The following NFILZ variants were observed in gnomAD, a reference collection of about 807,000 sequenced individuals.
NFILZ encodes the protein NFIL3 like basic leucine zipper, also known as NFIL3 like protein.
chr19:8,674,287 A>G (rs1162058353), intron 3 of NFILZ, among the ~76,000 whole-genome samples: 2 of 152,182 alleles, frequency 1.3e-5, no homozygotes, highest in African/African-American at 4.8e-5. Flanking sequence ...TTACTGTGTG[A>G]TGTGAGCAGA....
intron 3 of NFILZ, among the ~76,000 whole-genome samples, chr19:8,647,122 G>C (rs1043923277): frequency 6.6e-6 from 1 of 152,200 alleles, no homozygotes; most frequent in Non-Finnish European, 1.5e-5. Context: ...GCTGAACTCA[G>C]TTATGCAGGC....
intron 3 of NFILZ, among the ~76,000 whole-genome samples, chr19:8,645,243 C>G (rs781999526): frequency 5.3e-5 from 8 of 151,906 alleles, no homozygotes; most frequent in Admixed American, 1.3e-4. Flanking sequence ...AAGTGATCCT[C>G]CCACCTCAGC....
chr19:8,667,013 G>T lies in NFILZ; in HGVS notation c.-163-7538G>T, dbSNP rs368781259. ...GTTCCTCCTGCCTCGGCCTCCCAAA[G>T]TGTTGGCATTACAGGTGTGAGCCAC... On this transcript the variant is annotated intron_variant, in intron 3 of 5. Coordinates refer to ENST00000691075, the MANE Select transcript of NFILZ (RefSeq NM_001378600.1). 9.3e-5 allele frequency among the ~76,000 whole-genome samples: 14 copies of T among 150,586 alleles called. No homozygotes were observed. In the South Asian group the frequency reaches 1.9e-3, roughly 20 times the overall value.
chr19:8,656,836 T>G (rs2146155859), intron 3 of NFILZ, among the ~76,000 whole-genome samples: 1 of 151,930 alleles, frequency 6.6e-6, no homozygotes, highest in Middle Eastern at 3.4e-3. Context: ...CCAGGGAGGG[T>G]CTGGCTGTTG....
chr19:8,661,104 T>TCCCCCCCTTCC (rs2043029417), intron 3 of NFILZ, among the ~76,000 whole-genome samples: 1 of 30,310 alleles, frequency 3.3e-5, no homozygotes, highest in Non-Finnish European at 6.4e-5. Context: ...CCCTTCCTCC[T>TCCCCCCCTTCC]TCCTTCCTTC....
intron 3 of NFILZ, among the ~76,000 whole-genome samples, chr19:8,646,763 AC>A (rs1305098605): frequency 6.6e-6 from 1 of 151,874 alleles, no homozygotes; most frequent in East Asian, 1.9e-4. Context: ...ACACCTCAGG[AC>A]CTTTGTCTGT....
At chr19:8,663,766 G>GTGTC (rs1600152015) in intron 3 of NFILZ, among the ~76,000 whole-genome samples, 1 of 150,636 alleles carries the variant, frequency 6.6e-6, no homozygotes, top group East Asian at 1.9e-4. Context: ...GTGTGTGTGT[G>GTGTC]TGTGTATGTA....
chr19:8,670,430 G>C (rs552546664), intron 3 of NFILZ, among the ~76,000 whole-genome samples: 6 of 152,030 alleles, frequency 3.9e-5, no homozygotes, highest in African/African-American at 1.4e-4. Context: ...ACCATTAAAC[G>C]TATGAATATT....
At chr19:8,665,213 T>C (rs1555749645) in intron 3 of NFILZ, among the ~76,000 whole-genome samples, 1 of 152,152 alleles carries the variant, frequency 6.6e-6, no homozygotes, top group Non-Finnish European at 1.5e-5. Context: ...TTGGTGGGCT[T>C]CCTGTAGGAG....
intron 3 of NFILZ, among the ~76,000 whole-genome samples, chr19:8,663,433 G>A (rs1417339455): frequency 6.0e-4 from 79 of 132,536 alleles, no homozygotes; most frequent in Admixed American, 1.2e-3. Context: ...GGTGGAGGGG[G>A]AGCTGGTGGT....
At position 8,678,386 on chromosome 19, in the gene NFILZ, A is replaced by T. The variant is rs2043129031; in HGVS notation, c.*751A>T. On this transcript the variant is annotated 3_prime_UTR_variant, in exon 6 of 6. Transcript: ENST00000691075. Reference sequence around the variant, plus strand: ...CTTCTATCTATCCATCCATCCATTCATTCATCCACCCATCCACCTATCTAT... The same window carrying T: ...CTTCTATCTATCCATCCATCCATTCTTTCATCCACCCATCCACCTATCTAT... Among the ~76,000 whole-genome samples the T allele has an allele frequency of 6.6e-6, 1 of 150,728 alleles. No homozygotes were observed. The highest frequency in any genetic ancestry group is 1.5e-5 in the Non-Finnish European group (1 of 67,734).
At chr19:8,660,829 A>G (rs74180135) in intron 3 of NFILZ, among the ~76,000 whole-genome samples, 109,528 of 150,566 alleles carry the variant, frequency 0.73, 39,931 homozygotes, top group South Asian at 0.79. Context: ...TAGTAGAGAC[A>G]GGGTTTCATC....
chr19:8,678,564 C>CATCG lies in NFILZ; in HGVS notation c.*929_*930insATCG, dbSNP rs56042219. 6.6e-6 allele frequency among the ~76,000 whole-genome samples: 1 copy of CATCG among 151,332 alleles called. No homozygotes were observed. The highest frequency in any genetic ancestry group is 1.5e-5 in the Non-Finnish European group (1 of 67,834). On this transcript the variant is annotated 3_prime_UTR_variant, in exon 6 of 6. Transcript: ENST00000691075. ...TTTATTCTCCATCCATCCATCCATC[C>CATCG]TCATCCATTCCCATTCATCCATCCA...
Position 8,680,946 on chromosome 19 carries a change from G to T in NFILZ, c.*3311G>T, listed in dbSNP as rs73924326. Among the ~76,000 whole-genome samples the T allele has an allele frequency of 6.6e-6, 1 of 152,062 alleles. No homozygotes were observed. The highest frequency in any genetic ancestry group is 1.5e-5 in the Non-Finnish European group (1 of 68,010). On this transcript the variant is annotated 3_prime_UTR_variant, in exon 6 of 6. Transcript: ENST00000691075. ...TGTGGCTGGAGTGGAGTGAGTAAGG[G>T]GGAGAGAGGGAGGAGGCGAGGGCAG...
At chr19:8,671,393 T>C (rs2043086307) in intron 3 of NFILZ, among the ~76,000 whole-genome samples, 1 of 151,698 alleles carries the variant, frequency 6.6e-6, no homozygotes, top group South Asian at 2.1e-4. Flanking sequence ...TGGGTTCCTG[T>C]GGAGGTGTAG....
chr19:8,669,165 G>A (rs916099903), intron 3 of NFILZ, among the ~76,000 whole-genome samples: 1 of 152,112 alleles, frequency 6.6e-6, no homozygotes, highest in Admixed American at 6.5e-5. Flanking sequence ...GGCTGGTCTC[G>A]AACTTCCCAC....
intron 3 of NFILZ, among the ~76,000 whole-genome samples, chr19:8,641,830 T>C (rs2042920573): frequency 1.7e-5 from 1 of 58,136 alleles, no homozygotes; most frequent in Admixed American, 1.8e-4. Context: ...AAATGATAGC[T>C]TTTTTTTTTT....
At position 8,636,977 on chromosome 19, in the gene NFILZ, G is replaced by A. The variant is rs896985994; in HGVS notation, c.-164+1231G>A. Among the ~76,000 whole-genome samples, 8 of 152,248 alleles carry A rather than the reference G, an allele frequency of 5.3e-5. No homozygotes were observed. In the East Asian group the frequency reaches 7.7e-4, roughly 15 times the overall value. On this transcript the variant is annotated intron_variant, in intron 3 of 5. Transcript: ENST00000691075. ...AGTCAGGGATAGAGCTGGGGCCAAG[G>A]GGAAGATATAGAAGTGCGAATCAGG... is the stretch of plus-strand genomic sequence containing the variant.
intron 3 of NFILZ, among the ~76,000 whole-genome samples, chr19:8,658,842 C>G (rs1555748748): frequency 6.6e-6 from 1 of 152,022 alleles, no homozygotes; most frequent in African/African-American, 2.4e-5. Flanking sequence ...TCCAGCTGTT[C>G]AGGAGGCTGA....
Sources: gnomAD v4.1 joint callset for allele counts (sites outside exome capture counted in the v4.1 genomes callset) on GRCh38, gnomAD v4.1.1 for gene constraint, MANE v1.5 for transcripts, NCBI Gene and HGNC (gene_info 2026-07-23, HGNC 2026-07-21) for gene names.